COL22A1: variants seen among roughly 807,000 people sequenced by gnomAD.
COL22A1 encodes the protein collagen type XXII alpha 1 chain.
A neutral mutation model predicts 248.9 loss-of-function variants in COL22A1; 221 were observed. The observed-to-expected ratio is 0.89, with a 90% CI of 0.80 to 0.99. The LOEUF (loss-of-function observed/expected upper bound fraction) is 0.99. Ranked by LOEUF, COL22A1 falls within the 50% of genes least tolerant of loss-of-function variation. The pLI is 0.00. For missense variants in COL22A1, 2,240 were observed against 2,179.0 expected (o/e 1.03, Z -0.56); for synonymous variants, 891 against 793.4 (o/e 1.12, Z -2.07).
At position 138,724,658 on chromosome 8, in the gene COL22A1, C is replaced by G. The variant is rs150483253; in HGVS notation, c.2204G>C (p.Gly735Ala). Residue 735 changes from glycine to alanine, a missense_variant, in exon 25 of 65, where the codon GGA becomes GCA. By Grantham distance (60) the Gly-to-Ala change is moderately conservative (BLOSUM62 0). Coordinates refer to ENST00000303045, the MANE Select transcript of COL22A1 (RefSeq NM_152888.3). ...AGGCTTTCCCGGGAAGCCGATCTCT[C>G]CAGGCAAACCCTGAAAGGGGACCAC... ...PGPGGSPGLP[G>A]EIGFPGKPGP... 2.3e-4 allele frequency: 365 copies of G among 1,614,152 alleles called. 1 individual carries two copies. Among genetic ancestry groups the G allele is most frequent in the Middle Eastern group, 6.6e-4 (4 of 6,062 alleles).
chr8:138,749,212 C>T (rs1832386814), intron 22 of COL22A1, among the ~76,000 whole-genome samples: 1 of 152,100 alleles, frequency 6.6e-6, no homozygotes, highest in Non-Finnish European at 1.5e-5. Flanking sequence ...CTCTCTTTTC[C>T]TTTATAAATT....
intron 50 of COL22A1, 140 bp downstream of exon 50, chr8:138,630,555 C>G (rs4634647): frequency 0.069 from 50,079 of 723,916 alleles, 4,865 homozygotes; most frequent in African/African-American, 0.33. Context: ...AGTTTCATTG[C>G]AAGACTTGTA....
intron 35 of COL22A1, among the ~76,000 whole-genome samples, chr8:138,693,141 G>A (rs1245221655): frequency 6.6e-6 from 1 of 152,188 alleles, no homozygotes; most frequent in Admixed American, 6.5e-5. Context: ...GCCCCACGGG[G>A]ATCAAATACA....
chr8:138,629,475 C>A (rs376877870), intron 50 of COL22A1, among the ~76,000 whole-genome samples: 1 of 152,114 alleles, frequency 6.6e-6, no homozygotes, highest in African/African-American at 2.4e-5. Context: ...ATATTTTATT[C>A]ATCCTGGGAC....
intron 45 of COL22A1, among the ~76,000 whole-genome samples, chr8:138,651,752 C>A (rs1228609275): frequency 6.6e-6 from 1 of 151,486 alleles, no homozygotes; most frequent in African/African-American, 2.4e-5. Flanking sequence ...TGGATGGATG[C>A]AAATGGAACT....
chr8:138,840,588 GTTATTA>G (rs141154756), intron 4 of COL22A1, among the ~76,000 whole-genome samples: 1,650 of 151,780 alleles, frequency 0.011, 18 homozygotes, highest in African/African-American at 0.03. Context: ...GCAAGAATCA[GTTATTA>G]TTATTATTAT....
At chr8:138,610,881 T>G (rs1325550584) in intron 56 of COL22A1, among the ~76,000 whole-genome samples, 1 of 152,170 alleles carries the variant, frequency 6.6e-6, no homozygotes, top group African/African-American at 2.4e-5. Flanking sequence ...TTGGACAACA[T>G]AGTGAGACCT....
At chr8:138,728,928 T>G (rs1185541837) in intron 23 of COL22A1, among the ~76,000 whole-genome samples, 1 of 151,996 alleles carries the variant, frequency 6.6e-6, no homozygotes, top group African/African-American at 2.4e-5. Flanking sequence ...GCCAGCTCCG[T>G]ATTCCATCAC....
chr8:138,745,336 ACC>A (rs150811420), intron 22 of COL22A1, among the ~76,000 whole-genome samples: 1,674 of 152,204 alleles, frequency 0.011, 43 homozygotes, highest in African/African-American at 0.039. Context: ...GAAGGTGAGA[ACC>A]CAGGTGACCA....
chr8:138,655,726 A>G (rs1202227353), intron 45 of COL22A1, among the ~76,000 whole-genome samples, 171 bp downstream of exon 45: 4 of 152,006 alleles, frequency 2.6e-5, no homozygotes, highest in Non-Finnish European at 5.9e-5. Context: ...TGTGTTGGAC[A>G]GGGGGATTTA....
chr8:138,861,907 G>A (rs1174694044), intron 3 of COL22A1, among the ~76,000 whole-genome samples: 2 of 152,014 alleles, frequency 1.3e-5, no homozygotes, highest in South Asian at 2.1e-4. Context: ...GCTTAAAGTA[G>A]GCGGGGCGCA....
intron 45 of COL22A1, among the ~76,000 whole-genome samples, chr8:138,654,535 G>A (rs1211912187): frequency 6.6e-6 from 1 of 152,128 alleles, no homozygotes; most frequent in Non-Finnish European, 1.5e-5. Flanking sequence ...GTGTCTTTTA[G>A]AGAACAAGAG....
intron 17 of COL22A1, among the ~76,000 whole-genome samples, chr8:138,760,595 G>A (rs568285770): frequency 1.3e-5 from 2 of 152,132 alleles, no homozygotes; most frequent in East Asian, 3.9e-4. Flanking sequence ...AGAGGAAGAA[G>A]AAGCACATAA....
At chr8:138,675,027 C>A (rs1825399984) in intron 41 of COL22A1, among the ~76,000 whole-genome samples, 1 of 152,190 alleles carries the variant, frequency 6.6e-6, no homozygotes, top group African/African-American at 2.4e-5. Flanking sequence ...AACAGTTTAA[C>A]CAAACTAGAC....
At chr8:138,775,212 T>C (rs1191335530) in intron 16 of COL22A1, among the ~76,000 whole-genome samples, 7 of 152,086 alleles carry the variant, frequency 4.6e-5, no homozygotes, top group Admixed American at 4.6e-4. Flanking sequence ...AGGAACTCAA[T>C]GAATGGGGCT....
intron 1 of COL22A1, among the ~76,000 whole-genome samples, chr8:138,902,889 G>A (rs1814722336): frequency 1.3e-5 from 2 of 151,820 alleles, no homozygotes; most frequent in Non-Finnish European, 1.5e-5. Flanking sequence ...TTCACCAAAC[G>A]CGGTTGGTCT....
At chr8:138,595,693 C>T (rs1817483952) in intron 62 of COL22A1, among the ~76,000 whole-genome samples, 1 of 151,936 alleles carries the variant, frequency 6.6e-6, no homozygotes, top group Non-Finnish European at 1.5e-5. Context: ...CTGGACACTC[C>T]AAGAGGACAG....
intron 48 of COL22A1, among the ~76,000 whole-genome samples, chr8:138,636,264 T>C (rs1489560036): frequency 6.6e-6 from 1 of 151,748 alleles, no homozygotes; most frequent in Non-Finnish European, 1.5e-5. Flanking sequence ...TACCATCCTA[T>C]AGCACATTAG....
At chr8:138,883,658 T>C (rs1001467505) in intron 1 of COL22A1, among the ~76,000 whole-genome samples, 5 of 152,154 alleles carry the variant, frequency 3.3e-5, no homozygotes, top group African/African-American at 1.2e-4. Flanking sequence ...TCTTATGATA[T>C]TGAGTGAGTT....
Sources: allele counts gnomAD v4.1 joint callset (sites outside exome capture counted in the v4.1 genomes callset), GRCh38; gene constraint gnomAD v4.1.1; transcripts MANE v1.5; gene names NCBI Gene and HGNC (gene_info 2026-07-23, HGNC 2026-07-21).